SEL1L2: variants seen among roughly 807,000 people sequenced by gnomAD.
SEL1L2 encodes SEL1L2 adaptor subunit of SYVN1 ubiquitin ligase.
Under a neutral mutation model 98.8 loss-of-function variants are expected in SEL1L2, and 89 were observed. The observed-to-expected ratio is 0.90, with a 90% CI of 0.76 to 1.07. The LOEUF is 1.07. SEL1L2 is among the 50% of genes least tolerant of loss of function. The probability of loss-of-function intolerance (pLI) is 0.00; values close to 1 mark genes in which losing one functional copy is unlikely to be tolerated. For missense variants in SEL1L2, 788 were observed against 812.0 expected, an observed-to-expected ratio of 0.97 and a Z score of 0.36; for synonymous variants, 262 against 278.5, an observed-to-expected ratio of 0.94 and a Z score of 0.59.
At chr20:13,929,851 C>T (rs772670039) in intron 3 of SEL1L2, among the ~76,000 whole-genome samples, 2 of 151,740 alleles carry the variant, frequency 1.3e-5, no homozygotes, top group East Asian at 1.9e-4. Flanking sequence ...AGTGCAGTGG[C>T]GCAATCTCAG....
At chr20:13,946,551 C>T (rs1429526245) in intron 2 of SEL1L2, among the ~76,000 whole-genome samples, 26 of 152,222 alleles carry the variant, frequency 1.7e-4, no homozygotes, top group Admixed American at 1.7e-3. Flanking sequence ...TGCAGAAATG[C>T]CAGCTGCAGC....
intron 3 of SEL1L2, among the ~76,000 whole-genome samples, chr20:13,930,853 TG>T (rs2049112616): frequency 6.6e-6 from 1 of 151,816 alleles, no homozygotes; most frequent in Non-Finnish European, 1.5e-5. Flanking sequence ...TGTATTTACT[TG>T]TGTCAGAAGA....
intron 2 of SEL1L2, among the ~76,000 whole-genome samples, chr20:13,949,563 T>A (rs1266712516): frequency 7.9e-5 from 12 of 152,034 alleles, no homozygotes; most frequent in Admixed American, 7.9e-4. Context: ...ATCGGGAGGC[T>A]GAGGCAGGAG....
rs559404274 is a variant in SEL1L2 at position 13,957,654 on chromosome 20, C to T, written c.59-1523G>A. 5.3e-5 allele frequency among the ~76,000 whole-genome samples: 8 copies of T among 152,282 alleles called. No homozygotes were observed. The East Asian group carries it at 1.5e-3, about 29-fold the overall frequency. The stretch of plus-strand genomic sequence containing the variant: ...CACTTTGGAAGGACAAGGTGGCCGG[C>T]TCCCTTGAGCCCAGGAGTTTTGAGA... On this transcript the variant is annotated intron_variant, in intron 1 of 19. Transcript: ENST00000284951.
intron 2 of SEL1L2, among the ~76,000 whole-genome samples, chr20:13,949,612 A>G (rs1323616431): frequency 2.6e-5 from 4 of 152,154 alleles, no homozygotes; most frequent in African/African-American, 9.7e-5. Flanking sequence ...GCAGTAAGCC[A>G]AGCTCGTGCC....
At chr20:13,862,101 A>C (rs1990232588) in intron 17 of SEL1L2, among the ~76,000 whole-genome samples, 1 of 152,188 alleles carries the variant, frequency 6.6e-6, no homozygotes, top group African/African-American at 2.4e-5. Flanking sequence ...CACTGACACA[A>C]TCCCAGAACC....
At chr20:13,855,842 G>A (rs754617062) in intron 18 of SEL1L2, among the ~76,000 whole-genome samples, 5 of 152,262 alleles carry the variant, frequency 3.3e-5, no homozygotes, top group Non-Finnish European at 5.9e-5. Flanking sequence ...ATCCAAAGGA[G>A]GCTGGAGAAC....
chr20:13,905,162 G>T (rs1411715053), intron 5 of SEL1L2, among the ~76,000 whole-genome samples: 1 of 152,256 alleles, frequency 6.6e-6, no homozygotes, highest in South Asian at 2.1e-4. Context: ...AACAATGGGT[G>T]ATTTTGAATT....
upstream of SEL1L2, among the ~76,000 whole-genome samples, chr20:13,993,429 G>A (rs1485700891): frequency 1.3e-5 from 2 of 152,184 alleles, no homozygotes; most frequent in Admixed American, 1.3e-4. Flanking sequence ...AAGTACTTTA[G>A]GGATGTTAAA....
chr20:13,873,257 T>C (rs1480554227), intron 12 of SEL1L2, among the ~76,000 whole-genome samples: 2 of 152,180 alleles, frequency 1.3e-5, no homozygotes. Flanking sequence ...CCCAAAGTGC[T>C]GGGATTTACA....
At chr20:13,899,751 A>G (rs1600670717) in intron 5 of SEL1L2, among the ~76,000 whole-genome samples, 1 of 152,236 alleles carries the variant, frequency 6.6e-6, no homozygotes. Flanking sequence ...AACCACAGCA[A>G]GTACCATGAA....
At chr20:13,922,458 T>A (rs560367492) in intron 3 of SEL1L2, among the ~76,000 whole-genome samples, 2 of 152,370 alleles carry the variant, frequency 1.3e-5, no homozygotes, top group African/African-American at 4.8e-5. Flanking sequence ...CATCTAGGAT[T>A]GTATCTTCCT....
chr20:13,964,726 G>A (rs1034579111), intron 1 of SEL1L2, among the ~76,000 whole-genome samples: 1 of 151,552 alleles, frequency 6.6e-6, no homozygotes, highest in Non-Finnish European at 1.5e-5. Flanking sequence ...AGTGCTGGCG[G>A]CCATCTCTGC....
In SEL1L2 at chr20:13,974,765, G is replaced by A. The variant is rs2051458759; in HGVS notation, c.58+15712C>T. Among the ~76,000 whole-genome samples, 3 of 151,968 alleles carry A rather than the reference G, an allele frequency of 2.0e-5. No individual in the cohort carries two copies. In the South Asian group the frequency reaches 6.2e-4, roughly 32 times the overall value. On this transcript the variant is annotated intron_variant, in intron 1 of 19. Transcript: ENST00000284951. Reference sequence around the variant, plus strand: ...TTACCGGCATGAGCCACTGCACCAGGGCTCCTTCCTTTTTTTCCCTGAACC... The same window carrying A: ...TTACCGGCATGAGCCACTGCACCAGAGCTCCTTCCTTTTTTTCCCTGAACC...
At chr20:13,965,544 A>G (rs1291574787) in intron 1 of SEL1L2, among the ~76,000 whole-genome samples, 2 of 152,218 alleles carry the variant, frequency 1.3e-5, no homozygotes, top group East Asian at 3.9e-4. Flanking sequence ...GCATTCATAC[A>G]ATAGCCTCCT....
chr20:13,982,916 C>T (rs899422133), intron 1 of SEL1L2, among the ~76,000 whole-genome samples: 13 of 148,504 alleles, frequency 8.8e-5, no homozygotes, highest in Middle Eastern at 3.5e-3. Flanking sequence ...CCCAGCTACT[C>T]GGGAGGCTGA....
intron 10 of SEL1L2, among the ~76,000 whole-genome samples, chr20:13,879,056 T>A (rs2046568159): frequency 6.6e-6 from 1 of 152,168 alleles, no homozygotes; most frequent in East Asian, 1.9e-4. Flanking sequence ...CATGTCAGAG[T>A]CATGCTGTTA....
At chr20:13,890,056 A>G (rs1021039828) in intron 5 of SEL1L2, among the ~76,000 whole-genome samples, 1 of 152,218 alleles carries the variant, frequency 6.6e-6, no homozygotes, top group Non-Finnish European at 1.5e-5. Flanking sequence ...AGGCAAGCTC[A>G]AAGCCAAGAA....
intron 8 of SEL1L2, among the ~76,000 whole-genome samples, chr20:13,887,064 A>T (rs1052772645): frequency 5.9e-5 from 9 of 152,142 alleles, no homozygotes; most frequent in African/African-American, 2.2e-4. Context: ...TTTTTCTGGG[A>T]CTAAGACTAT....
Sources: allele counts gnomAD v4.1 joint callset (sites outside exome capture counted in the v4.1 genomes callset), GRCh38; gene constraint gnomAD v4.1.1; transcripts MANE v1.5; gene names NCBI Gene and HGNC (gene_info 2026-07-23, HGNC 2026-07-21).